The following SLMAP variants were observed in gnomAD, a reference collection of about 807,000 sequenced individuals.
SLMAP encodes the protein sarcolemmal membrane-associated protein.
In SLMAP, 44 loss-of-function variants were observed where a neutral mutation model predicts 128.8. The ratio of observed to expected loss-of-function variants is 0.34; its 90% CI spans 0.27 to 0.44. SLMAP has a LOEUF of 0.44. Among genes scored for constraint, SLMAP ranks in the 20% least tolerant of loss-of-function variants. The pLI is 1.00. For synonymous variants in SLMAP, 327 were observed against 348.8 expected, an observed-to-expected ratio of 0.94 and a Z score of 0.70; for missense variants, 787 against 985.3, an observed-to-expected ratio of 0.80 and a Z score of 2.69.
At chr3:57,894,633 A>T (rs1167391347) in intron 15 of SLMAP, among the ~76,000 whole-genome samples, 2 of 152,224 alleles carry the variant, frequency 1.3e-5, no homozygotes, top group African/African-American at 4.8e-5. Flanking sequence ...AATTGAGGAA[A>T]CAAAAGACAC....
At chr3:57,784,403 TC>T (rs2083665932) in intron 2 of SLMAP, among the ~76,000 whole-genome samples, 2 of 152,168 alleles carry the variant, frequency 1.3e-5, no homozygotes, top group African/African-American at 2.4e-5. Flanking sequence ...GAGATTCTTC[TC>T]CAGCTTTAAG....
At chr3:57,897,554 G>A (rs996996283) in intron 17 of SLMAP, 10 of 152,224 alleles carry the variant, frequency 6.6e-5, no homozygotes, top group African/African-American at 2.4e-4. Context: ...AGATTAGCCG[G>A]GTGTGGTGGC....
At chr3:57,884,657 G>A (rs1266221481) in intron 14 of SLMAP, among the ~76,000 whole-genome samples, 2 of 151,970 alleles carry the variant, frequency 1.3e-5, no homozygotes, top group African/African-American at 4.8e-5. Context: ...AAAATGCAAA[G>A]AATCAGCCGG....
intron 2 of SLMAP, among the ~76,000 whole-genome samples, chr3:57,793,666 C>G (rs762561480): frequency 6.6e-6 from 1 of 152,178 alleles, no homozygotes; most frequent in Non-Finnish European, 1.5e-5. Flanking sequence ...TCCTCAACTA[C>G]TAGCATTTGG....
At chr3:57,925,018 G>A (rs1230157193) in intron 23 of SLMAP, among the ~76,000 whole-genome samples, 1 of 146,182 alleles carries the variant, frequency 6.8e-6, no homozygotes, top group Non-Finnish European at 1.5e-5. Flanking sequence ...GCAGTGGCAT[G>A]ATCTCACCTC....
intron 2 of SLMAP, among the ~76,000 whole-genome samples, chr3:57,769,844 C>A (rs1224946003): frequency 6.6e-6 from 1 of 152,120 alleles, no homozygotes. Context: ...CGTTTCCAAT[C>A]TTGAAATATT....
intron 2 of SLMAP, among the ~76,000 whole-genome samples, chr3:57,781,338 A>T (rs2083021314): frequency 1.3e-5 from 2 of 152,196 alleles, no homozygotes; most frequent in African/African-American, 4.8e-5. Flanking sequence ...TTATAAAATG[A>T]TTGGCTGGCT....
At chr3:57,876,834 A>G (rs984295096) in intron 14 of SLMAP, among the ~76,000 whole-genome samples, 1 of 152,196 alleles carries the variant, frequency 6.6e-6, no homozygotes, top group Non-Finnish European at 1.5e-5. Context: ...ATAGAGTGAG[A>G]GATAGCCTTC....
intron 2 of SLMAP, among the ~76,000 whole-genome samples, chr3:57,821,555 AAATT>A (rs1388756778): frequency 6.6e-6 from 1 of 152,212 alleles, no homozygotes; most frequent in Non-Finnish European, 1.5e-5. Context: ...TTATATAAAT[AAATT>A]AATTAATGTT....
intron 22 of SLMAP, among the ~76,000 whole-genome samples, chr3:57,920,610 C>G (rs1213980711): frequency 6.6e-6 from 1 of 152,140 alleles, no homozygotes; most frequent in African/African-American, 2.4e-5. Context: ...AAACTTTCTA[C>G]CCTCATAAGC....
At chr3:57,869,637 TATATATATATATATATATATATA>T (rs1338792937) in intron 13 of SLMAP, among the ~76,000 whole-genome samples, 4 of 124,776 alleles carry the variant, frequency 3.2e-5, no homozygotes, top group Non-Finnish European at 4.9e-5. Context: ...CTATTATATA[TATATATATATATATATATATATA>T]ATATATATAA....
At position 57,922,869 on chromosome 3, in the gene SLMAP, T is replaced by G. The variant is rs1016474841; in HGVS notation, c.2311-20T>G. 5 of 1,561,030 alleles carry G rather than the reference T, an allele frequency of 3.2e-6. No individual in the cohort carries two copies. Among genetic ancestry groups the G allele is most frequent in the Non-Finnish European group, 4.3e-6 (5 of 1,152,680 alleles). ...CCATTTTAAGTTGTATCTGCACACTTTTTTTTTCTTTGCCTTTAGTATGAA... is the reference window on the plus strand; with the variant it reads ...CCATTTTAAGTTGTATCTGCACACTGTTTTTTTCTTTGCCTTTAGTATGAA... On this transcript the variant is annotated intron_variant, in intron 22 of 24. Transcript: ENST00000671191.
chr3:57,886,991 A>G (rs1346923642), intron 14 of SLMAP, among the ~76,000 whole-genome samples: 1 of 152,086 alleles, frequency 6.6e-6, no homozygotes, highest in Non-Finnish European at 1.5e-5. Context: ...AATGTTTTGG[A>G]ACTAGGCACA....
intron 2 of SLMAP, among the ~76,000 whole-genome samples, chr3:57,761,341 C>T (rs2078595932): frequency 6.6e-6 from 1 of 152,056 alleles, no homozygotes; most frequent in Admixed American, 6.6e-5. Flanking sequence ...GTCACCCAGG[C>T]TGGAGTGCAG....
rs13400 is a variant in SLMAP, at chr3:57,757,610, C to T, written c.-42C>T. ...GGGCAGTCCGGATCCGGAGGAACTCCTCTTTGTCCCTGGTAGGAGAGACAC... is the reference window on the plus strand; with the variant it reads ...GGGCAGTCCGGATCCGGAGGAACTCTTCTTTGTCCCTGGTAGGAGAGACAC... On this transcript the variant is annotated 5_prime_UTR_variant, in exon 2 of 25. Coordinates refer to ENST00000671191, the MANE Select transcript of SLMAP (RefSeq NM_001377540.1). 6.2e-7 allele frequency: 1 copy of T among 1,600,480 alleles called. No homozygotes were observed. Among genetic ancestry groups the T allele is most frequent in the African/African-American group, 1.3e-5 (1 of 74,584 alleles).
intron 15 of SLMAP, among the ~76,000 whole-genome samples, chr3:57,895,774 T>G (rs1481632771): frequency 1.3e-5 from 2 of 151,958 alleles, no homozygotes; most frequent in Non-Finnish European, 2.9e-5. Context: ...AGACCTCATC[T>G]CTACTAAAAA....
chr3:57,869,660 A>ATATATATATATATATATAAT (rs1553900183), intron 13 of SLMAP, among the ~76,000 whole-genome samples: 1 of 81,366 alleles, frequency 1.2e-5, no homozygotes, highest in East Asian at 6.7e-4. Context: ...ATATATATAT[A>ATATATATATATATATATAAT]ATATATATAA....
chr3:57,797,719 A>T (rs2087113026), intron 2 of SLMAP, among the ~76,000 whole-genome samples: 1 of 152,182 alleles, frequency 6.6e-6, no homozygotes, highest in African/African-American at 2.4e-5. Flanking sequence ...TGAATAGGAA[A>T]CCTGAGTTTA....
chr3:57,861,950 G>A lies in SLMAP; in HGVS notation c.830G>A (p.Arg277Gln), dbSNP rs756718350. ...ATTGCCTGTAAACTTGAATCGCAGC[G>A]AAGTCTGAGTAATACTGAAGATGAA... ...EVVRKLSEVE[R>Q]SLSNTEDECT... Residue 277 changes from arginine to glutamine, a missense_variant and splice_region_variant, in exon 10 of 25, where the codon CGA becomes CAA. Arg to Gln is a conservative substitution (Grantham distance 43). This residue lies in a region of SLMAP where 715 missense variants were observed against 843.6 expected (regional missense o/e 0.85). Coordinates refer to ENST00000671191, the MANE Select transcript of SLMAP (RefSeq NM_001377540.1). 5.7e-5 allele frequency: 91 copies of A among 1,610,584 alleles called. No homozygotes were observed. The highest frequency in any genetic ancestry group is 1.7e-4 in the Middle Eastern group (1 of 6,058).
Sources: allele counts gnomAD v4.1 joint callset (sites outside exome capture counted in the v4.1 genomes callset), GRCh38; gene constraint gnomAD v4.1.1; regional missense constraint gnomAD v4.1.1; transcripts MANE v1.5; gene names NCBI Gene and HGNC (gene_info 2026-07-23, HGNC 2026-07-21).